The following USP24 variants were observed in gnomAD, a reference collection of about 807,000 sequenced individuals.
USP24 encodes ubiquitin specific peptidase 24.
A neutral mutation model predicts 361.6 loss-of-function variants in USP24; 97 were observed. That is an observed-to-expected ratio of 0.27 (90% CI 0.23 to 0.32). The LOEUF is 0.32. Among genes scored for constraint, USP24 ranks in the 10% least tolerant of loss-of-function variants. USP24 has a pLI of 1.00. For synonymous variants in USP24, 1,098 were observed against 1,124.6 expected (o/e 0.98, Z 0.47); for missense variants, 2,353 against 3,165.6 (o/e 0.74, Z 6.16).
Position 55,142,972 on chromosome 1 carries a change from T to C in USP24, c.2580+7A>G. 1 of 1,493,206 alleles carries C rather than the reference T, an allele frequency of 6.7e-7. No homozygotes were observed. The highest frequency in any genetic ancestry group is 9.0e-7 in the Non-Finnish European group (1 of 1,109,506). The allele number at this position is 1,493,206 out of a possible 1,614,324, so 92.5% of individuals were successfully genotyped here. A position where few individuals can be genotyped will look rare whatever the true frequency, so the allele number is the denominator to read the frequency against. ...TATATGGATAACTTCTTTCCTTAGATACCTACCTTCTTTAATCTAGGATTT... is the reference window on the plus strand; with the variant it reads ...TATATGGATAACTTCTTTCCTTAGACACCTACCTTCTTTAATCTAGGATTT... On this transcript the variant is annotated splice_region_variant and intron_variant, in intron 22 of 67. Transcript: ENST00000294383.
rs60258543 is a variant in USP24 at position 55,151,589 on chromosome 1, G to GT, written c.1860+2280dup. Among the ~76,000 whole-genome samples, 1,257 of 151,224 alleles carry GT rather than the reference G, an allele frequency of 8.3e-3. 18 individuals carry two copies. Among genetic ancestry groups the GT allele is most frequent in the African/African-American group, 0.027 (1,120 of 41,204 alleles). On this transcript the variant is annotated intron_variant, in intron 16 of 67. Transcript: ENST00000294383. Reference sequence around the variant, plus strand: ...GTACAACTAACTGAGGAAAAATGAGGTTTTTTTTTGGTTTAGTAATTTTTT... The same window carrying GT: ...GTACAACTAACTGAGGAAAAATGAGGTTTTTTTTTTGGTTTAGTAATTTTTT...
intron 1 of USP24, among the ~76,000 whole-genome samples, chr1:55,199,620 T>A (rs201199693): frequency 0.13 from 12,946 of 96,058 alleles, 977 homozygotes; most frequent in African/African-American, 0.29. Context: ...TGTGTGTGTG[T>A]GTGAGAGAGA....
intron 3 of USP24, 113 bp from the exon 4 acceptor site, chr1:55,172,633 T>G: frequency 6.0e-6 from 7 of 1,158,822 alleles, no homozygotes; most frequent in Non-Finnish European, 8.1e-6. Context: ...TACTTTTTTA[T>G]GTAGATGATT....
At chr1:55,069,690 A>G (rs1295716842) in intron 67 of USP24, among the ~76,000 whole-genome samples, 1 of 151,686 alleles carries the variant, frequency 6.6e-6, no homozygotes, top group East Asian at 1.9e-4. Flanking sequence ...GGTGGAAGGA[A>G]GAGAGTACAT....
At chr1:55,148,391 A>G in intron 17 of USP24, 72 bp downstream of exon 17, 1 of 1,169,812 alleles carries the variant, frequency 8.5e-7, no homozygotes, top group Non-Finnish European at 1.2e-6. Context: ...AAACTCAGCA[A>G]TTTTAGCCAT....
At chr1:55,086,876 G>A (rs1645262196) in intron 55 of USP24, among the ~76,000 whole-genome samples, 2 of 152,174 alleles carry the variant, frequency 1.3e-5, no homozygotes, top group South Asian at 4.1e-4. Context: ...ACAGGAGAGG[G>A]CTCATTCTGC....
In USP24 at chr1:55,069,075, C is replaced by CAACT; in HGVS notation, c.7829_7832dup (p.Arg2612ValfsTer4). The CAACT allele has an allele frequency of 1.9e-6, 3 of 1,614,006 alleles. No homozygotes were observed. Among genetic ancestry groups the CAACT allele is most frequent in the Non-Finnish European group, 1.7e-6 (2 of 1,179,900 alleles). ...GATCAACATCATCAAGGTCACTTCT[C>CAACT]AACTCACCAATCATCATGGGAGATT... On this transcript the variant is annotated frameshift_variant, in exon 68 of 68. Coordinates refer to ENST00000294383, the MANE Select transcript of USP24 (RefSeq NM_015306.3). LOFTEE classifies it high-confidence loss of function.
At chr1:55,075,844 C>T (rs1463747966) in intron 62 of USP24, among the ~76,000 whole-genome samples, 1 of 152,058 alleles carries the variant, frequency 6.6e-6, no homozygotes, top group African/African-American at 2.4e-5. Context: ...TGACATGTGC[C>T]TGTAGTCCCA....
chr1:55,144,336 A>C (rs1321879588), intron 20 of USP24, 133 bp from the exon 21 acceptor site: 2 of 496,120 alleles, frequency 4.0e-6, no homozygotes, highest in Non-Finnish European at 7.0e-6. Context: ...GTACCAAAGC[A>C]GAAGCAACAA....
chr1:55,085,020 C>CAATG (rs1189178624), intron 56 of USP24, among the ~76,000 whole-genome samples: 1 of 152,150 alleles, frequency 6.6e-6, no homozygotes, highest in African/African-American at 2.4e-5. Context: ...GGGAATGGAG[C>CAATG]AATGGCATTT....
intron 58 of USP24, 49 bp downstream of exon 58, chr1:55,083,223 G>A: frequency 6.4e-7 from 1 of 1,562,838 alleles, no homozygotes; most frequent in Non-Finnish European, 8.8e-7. Flanking sequence ...AAACACAGCG[G>A]CTATGAAAAC....
chr1:55,118,691 G>A (rs1397221855), intron 38 of USP24, among the ~76,000 whole-genome samples: 1 of 152,088 alleles, frequency 6.6e-6, no homozygotes, highest in Non-Finnish European at 1.5e-5. Flanking sequence ...TCAATATTCA[G>A]GATATATAAA....
Position 55,092,137 on chromosome 1 carries a change from G to A in USP24, c.6451-11C>T. Reference sequence around the variant, plus strand: ...ATGCTTTAATTTAGTCTAAGAGAGGGAAACATGAAAGAGGATATTTTTCAC... The same window carrying A: ...ATGCTTTAATTTAGTCTAAGAGAGGAAAACATGAAAGAGGATATTTTTCAC... On this transcript the variant is annotated splice_polypyrimidine_tract_variant and intron_variant, in intron 53 of 67. Coordinates refer to ENST00000294383, the MANE Select transcript of USP24 (RefSeq NM_015306.3). The A allele has an allele frequency of 1.3e-6, 2 of 1,587,310 alleles. 1 individual carries two copies. Among genetic ancestry groups the A allele is most frequent in the East Asian group, 4.5e-5 (2 of 44,492 alleles).
rs1645332319 is a variant in USP24 at position 55,089,684 on chromosome 1, T to C, written c.6611A>G (p.Asp2204Gly). 6.2e-7 allele frequency: 1 copy of C among 1,605,430 alleles called. No homozygotes were observed. The highest frequency in any genetic ancestry group is 1.7e-5 in the Admixed American group (1 of 58,918). The change falls in exon 55 of 68, where the codon GAT becomes GGT. Residue 2204 changes from aspartate to glycine, a missense_variant. This residue lies in a region of USP24 where 598 missense variants were observed against 761.9 expected (regional missense o/e 0.78). Coordinates refer to ENST00000294383, the MANE Select transcript of USP24 (RefSeq NM_015306.3). ...TIEALLSKSF[D>G]ACQWLVEYFI... ...ATATTCAACTAACCACTGACAAGCA[T>C]CAAAACTTTTTGAAAGCAATGCTTC...
intron 9 of USP24, among the ~76,000 whole-genome samples, chr1:55,159,398 T>C (rs1557651478): frequency 6.6e-6 from 1 of 152,240 alleles, no homozygotes; most frequent in East Asian, 1.9e-4. Flanking sequence ...TATCACTTAC[T>C]GAGAACACTG....
rs1647471941 is a variant in USP24, at chr1:55,154,885, A to G, written c.1447-107T>C. ...ACAAGCAAAAATATAACAAAGACAA[A>G]TTGACTCTAGTGTAATCAGCATCCA... On this transcript the variant is annotated intron_variant, in intron 12 of 67. Transcript: ENST00000294383. 8.0e-6 allele frequency: 6 copies of G among 751,996 alleles called. No homozygotes were observed. The East Asian group carries it at 1.3e-4, about 17-fold the overall frequency. 46.6% of individuals were successfully genotyped at this position (751,996 alleles called of 1,614,324 possible).
rs765671808 is a variant in USP24 at position 55,214,668 on chromosome 1, GC to G, written c.324+121del. 9.7e-4 allele frequency: 822 copies of G among 844,510 alleles called. 1 individual carries two copies. The highest frequency in any genetic ancestry group is 1.1e-3 in the Non-Finnish European group (757 of 665,970). 52.3% of individuals were successfully genotyped at this position (844,510 alleles called of 1,614,324 possible). ...GGGCTTCTCTCTCTCTCTCCGCCCC[GC>G]CCCCACTAAAGCCCCAGTCGAATGC... On this transcript the variant is annotated intron_variant, in intron 1 of 67. Transcript: ENST00000294383.
In USP24 at chr1:55,097,136, A is replaced by C; in HGVS notation, c.5752T>G (p.Ser1918Ala). 6.2e-7 allele frequency: 1 copy of C among 1,614,022 alleles called. No homozygotes were observed. Among genetic ancestry groups the C allele is most frequent in the African/African-American group, 1.3e-5 (1 of 75,042 alleles). Residue 1918 changes from serine (S) to alanine (A), a missense_variant, in exon 49 of 68, where the codon TCA becomes GCA. Physicochemically the swap from Ser to Ala is moderately conservative, Grantham distance 99. Transcript: ENST00000294383. Reference sequence around the variant, plus strand: ...GAAGAATCTTGGCGAGCCATTCCTGAAACTGTGTAAGGCTCCATGTTTAGC... The same window carrying C: ...GAAGAATCTTGGCGAGCCATTCCTGCAACTGTGTAAGGCTCCATGTTTAGC... ...WMLNMEPYTV[S>A]GMARQDSSSE...
chr1:55,097,052 T>G lies in USP24; in HGVS notation c.5836A>C (p.Lys1946Gln), dbSNP rs368706607. 5 of 1,613,790 alleles carry G rather than the reference T, an allele frequency of 3.1e-6. No homozygotes were observed. The highest frequency in any genetic ancestry group is 4.2e-6 in the Non-Finnish European group (5 of 1,179,882). ...VDQGGGGSPR[K>Q]KVALTENYEL... ...TAGTTTTCTGTGAGGGCAACCTTTT[T>G]TCGTGGGGATCCTCCACCGCCCTGA... Residue 1946 changes from lysine (K) to glutamine (Q), a missense_variant, in exon 49 of 68, where the codon AAA becomes CAA. Transcript: ENST00000294383.
Sources: allele counts gnomAD v4.1 joint callset (sites outside exome capture counted in the v4.1 genomes callset), GRCh38; gene constraint gnomAD v4.1.1; regional missense constraint gnomAD v4.1.1; transcripts MANE v1.5; gene names NCBI Gene and HGNC (gene_info 2026-07-23, HGNC 2026-07-21).